Variants in OSBPL10 observed in about 807,000 individuals in gnomAD.
OSBPL10 encodes oxysterol binding protein like 10.
In OSBPL10, 49 loss-of-function variants were observed where a neutral mutation model predicts 81.7. The observed-to-expected ratio is 0.60, with a 90% CI of 0.48 to 0.76. The LOEUF (loss-of-function observed/expected upper bound fraction) is 0.76. Among genes scored for constraint, OSBPL10 ranks in the 30% least tolerant of loss-of-function variants. The pLI is 0.00. For synonymous variants in OSBPL10, 419 were observed against 383.6 expected, an observed-to-expected ratio of 1.09 and a Z score of -1.08; for missense variants, 923 against 987.8, an observed-to-expected ratio of 0.93 and a Z score of 0.88.
intron 2 of OSBPL10, among the ~76,000 whole-genome samples, chr3:32,011,628 C>T (rs536183234): frequency 4.6e-5 from 7 of 152,050 alleles, no homozygotes; most frequent in Non-Finnish European, 8.8e-5. Flanking sequence ...AGGCTTCAGA[C>T]GATCAAACTT....
In OSBPL10 at chr3:31,664,212, G is replaced by T. The variant is rs1278751513; in HGVS notation, c.2117C>A (p.Thr706Asn). 1.2e-6 allele frequency: 2 copies of T among 1,612,576 alleles called. No homozygotes were observed. The highest frequency in any genetic ancestry group is 1.7e-6 in the Non-Finnish European group (2 of 1,180,006). ...MESRNLWREVTRYLRLGDIDA... is the reference protein window; with the variant it reads ...MESRNLWREVNRYLRLGDIDA... ...AATGTCCCCCAGCCGCAGGTATCGGGTCACCTCCCGCCAGAGGTTCCTGGG... is the reference window on the plus strand; with the variant it reads ...AATGTCCCCCAGCCGCAGGTATCGGTTCACCTCCCGCCAGAGGTTCCTGGG... Residue 706 changes from threonine (T) to asparagine (N), a missense_variant, in exon 11 of 12, where the codon ACC becomes AAC. By Grantham distance (65) the Thr-to-Asn change is moderately conservative. Transcript: ENST00000396556.
chr3:31,766,729 T>A (rs1361105139), intron 4 of OSBPL10, among the ~76,000 whole-genome samples: 1 of 152,216 alleles, frequency 6.6e-6, no homozygotes, highest in Non-Finnish European at 1.5e-5. Context: ...GTAGGTCAAC[T>A]GGAACATCAG....
rs1477145026 is a variant in OSBPL10, at chr3:31,670,922, G to A, written c.1788C>T (p.Ala596=). 8 of 1,614,182 alleles carry A rather than the reference G, an allele frequency of 5.0e-6. No individual in the cohort carries two copies. The highest frequency in any genetic ancestry group is 6.8e-6 in the Non-Finnish European group (8 of 1,180,024). Residue 596 remains alanine (A), a synonymous_variant, in exon 9 of 12, where the codon GCC becomes GCT. Transcript: ENST00000396556. ...CCCACGGGATGGTGAGAATGGACCG[G>A]GCGTAGGCACTAGGCAGGGTGAATA... is the stretch of plus-strand genomic sequence containing the variant. ...EYVFTLPSAY[A]RSILTIPWVE... is the part of the protein sequence containing the mutation.
intron 4 of OSBPL10, among the ~76,000 whole-genome samples, chr3:31,793,657 G>C (rs920787482): frequency 6.6e-6 from 1 of 152,160 alleles, no homozygotes; most frequent in Non-Finnish European, 1.5e-5. Context: ...AAATAACATG[G>C]AATTAGGAAG....
At chr3:32,063,522 A>T (rs1202395339) in intron 1 of OSBPL10, among the ~76,000 whole-genome samples, 1 of 92,218 alleles carries the variant, frequency 1.1e-5, no homozygotes, top group East Asian at 2.5e-4. Flanking sequence ...GATTCAGTGC[A>T]AATTTGGCCC....
chr3:31,668,382 T>G (rs956913598), intron 10 of OSBPL10, among the ~76,000 whole-genome samples: 5 of 152,194 alleles, frequency 3.3e-5, no homozygotes, highest in Non-Finnish European at 7.3e-5. Flanking sequence ...ATCAGATGAG[T>G]TGACAAACTT....
intron 1 of OSBPL10, among the ~76,000 whole-genome samples, chr3:31,941,484 A>G (rs111856185): frequency 2.0e-4 from 31 of 152,322 alleles, no homozygotes; most frequent in African/African-American, 7.0e-4. Context: ...TTCCAACAGA[A>G]GCAGCTAGGA....
In OSBPL10 at chr3:31,941,575, GCTGC is replaced by G. The variant is rs533395175; in HGVS notation, c.281+39320_281+39323del. ...CTCAAACTCCCCTGAGAGGGATCTG[GCTGC>G]CTGCCTACTGCCAAGATCCCTGCTG... On this transcript the variant is annotated intron_variant, in intron 1 of 11. Transcript: ENST00000396556. Among the ~76,000 whole-genome samples the G allele has an allele frequency of 7.0e-3, 1,062 of 152,272 alleles. 5 individuals are homozygous for G. Among genetic ancestry groups the G allele is most frequent in the Non-Finnish European group, 0.011 (719 of 68,022 alleles).
rs1321704479 is a variant in OSBPL10 at position 31,684,156 on chromosome 3, A to G, written c.1246-42T>C. The G allele has an allele frequency of 3.8e-6, 6 of 1,596,564 alleles. No individual in the cohort carries two copies. In the Admixed American group the frequency reaches 6.8e-5, roughly 18 times the overall value. Reference sequence around the variant, plus strand: ...ACAAAGTCAGACAATCCCTGGGATTACACGGAAAAGCTGAAAAGAAAGGTA... The same window carrying G: ...ACAAAGTCAGACAATCCCTGGGATTGCACGGAAAAGCTGAAAAGAAAGGTA... On this transcript the variant is annotated intron_variant, in intron 7 of 11. Coordinates refer to ENST00000396556, the MANE Select transcript of OSBPL10 (RefSeq NM_017784.5).
intron 3 of OSBPL10, among the ~76,000 whole-genome samples, chr3:31,865,102 G>A (rs1211967414): frequency 6.6e-6 from 1 of 152,188 alleles, no homozygotes; most frequent in African/African-American, 2.4e-5. Context: ...GAAGGGGTGA[G>A]GGAGCCCCAT....
intron 1 of OSBPL10, among the ~76,000 whole-genome samples, chr3:31,967,438 C>G (rs901438871): frequency 6.6e-6 from 1 of 151,896 alleles, no homozygotes; most frequent in Non-Finnish European, 1.5e-5. Context: ...TGTGATTGCA[C>G]CACTGCACTC....
At chr3:31,812,802 GAAAGAAAGAAAGAAAGAGAAAGAA>G (rs1699735774) in intron 4 of OSBPL10, among the ~76,000 whole-genome samples, 1 of 50,134 alleles carries the variant, frequency 2.0e-5, no homozygotes, top group Non-Finnish European at 3.8e-5. Context: ...AAGAAAGAAA[GAAAGAAAGAAAGAAAGAGAAAGAA>G]AGAAAGAAAG....
chr3:32,023,305 G>A (rs1257376383), intron 2 of OSBPL10, among the ~76,000 whole-genome samples: 1 of 152,120 alleles, frequency 6.6e-6, no homozygotes, highest in Non-Finnish European at 1.5e-5. Flanking sequence ...GGATCTCATG[G>A]TCTTATAAGG....
At chr3:31,725,813 A>C (rs1387999107) in intron 6 of OSBPL10, among the ~76,000 whole-genome samples, 1 of 152,244 alleles carries the variant, frequency 6.6e-6, no homozygotes, top group Non-Finnish European at 1.5e-5. Flanking sequence ...CCCTTTAGTC[A>C]TGAATACTAC....
chr3:31,950,339 G>A (rs1410254551), intron 1 of OSBPL10, among the ~76,000 whole-genome samples: 1 of 152,124 alleles, frequency 6.6e-6, no homozygotes, highest in African/African-American at 2.4e-5. Flanking sequence ...AAGAAAGAAT[G>A]ACCCTTAAGC....
chr3:31,697,188 G>A lies in OSBPL10; in HGVS notation c.1245+5171C>T, dbSNP rs575760775. Among the ~76,000 whole-genome samples the A allele has an allele frequency of 5.3e-5, 8 of 152,328 alleles. No homozygotes were observed. In the East Asian group the frequency reaches 1.5e-3, roughly 29 times the overall value. On this transcript the variant is annotated intron_variant, in intron 7 of 11. Transcript: ENST00000396556. ...TTTGCCCCCTTAGAAGCCTTGAGCT[G>A]CCATTTAAGAAGTCGGGCGACCCAG...
chr3:31,917,268 G>A (rs567500260), intron 1 of OSBPL10, among the ~76,000 whole-genome samples: 2 of 152,280 alleles, frequency 1.3e-5, no homozygotes, highest in East Asian at 1.9e-4. Context: ...ACTCCACTAG[G>A]AGTCCCAACC....
At chr3:32,030,770 A>T in intron 2 of OSBPL10, 1 of 616,860 alleles carries the variant, frequency 1.6e-6, no homozygotes. Flanking sequence ...TACATAAAAT[A>T]TTCTCTGTTT....
chr3:31,859,573 C>T (rs985608803), intron 3 of OSBPL10, among the ~76,000 whole-genome samples: 14 of 152,218 alleles, frequency 9.2e-5, no homozygotes, highest in Non-Finnish European at 1.5e-5. Flanking sequence ...ACCCAATCTC[C>T]ATCTTGGTGA....
Sources: allele counts gnomAD v4.1 joint callset (sites outside exome capture counted in the v4.1 genomes callset), GRCh38; gene constraint gnomAD v4.1.1; transcripts MANE v1.5; gene names NCBI Gene and HGNC (gene_info 2026-07-23, HGNC 2026-07-21).